Variants in RASGRF2 observed in about 807,000 individuals in gnomAD.
RASGRF2 encodes the protein ras-specific guanine nucleotide-releasing factor 2.
RASGRF2 carries 76 observed loss-of-function variants against 151.0 expected under a neutral mutation model. The ratio of observed to expected loss-of-function variants is 0.50; its 90% confidence interval spans 0.42 to 0.61. The LOEUF is 0.61. Among genes scored for constraint, RASGRF2 ranks in the 20% least tolerant of loss-of-function variants. RASGRF2 has a pLI of 0.00. For synonymous variants in RASGRF2, 504 were observed against 566.5 expected (o/e 0.89, Z 1.57); for missense variants, 1,148 against 1,564.6 (o/e 0.73, Z 4.49).
chr5:81,034,717 C>T (rs1365425964), intron 1 of RASGRF2, among the ~76,000 whole-genome samples: 3 of 148,026 alleles, frequency 2.0e-5, no homozygotes, highest in South Asian at 4.3e-4. Context: ...CCAAACACCG[C>T]ATATTCTCAC....
intron 15 of RASGRF2, among the ~76,000 whole-genome samples, chr5:81,121,476 A>G (rs749449991): frequency 2.6e-5 from 4 of 152,218 alleles, no homozygotes; most frequent in Non-Finnish European, 5.9e-5. Context: ...TGTCATTGCA[A>G]TGATAATGCC....
intron 1 of RASGRF2, among the ~76,000 whole-genome samples, chr5:81,027,054 C>T (rs1229422608): frequency 6.6e-6 from 1 of 152,098 alleles, no homozygotes; most frequent in African/African-American, 2.4e-5. Flanking sequence ...AATCATATCC[C>T]ATAAAATTCA....
At chr5:81,143,935 T>C (rs551338799) in intron 17 of RASGRF2, among the ~76,000 whole-genome samples, 2 of 152,096 alleles carry the variant, frequency 1.3e-5, no homozygotes, top group South Asian at 2.1e-4. Flanking sequence ...CTGGACTTTT[T>C]GGTTATTTGA....
At chr5:81,050,850 C>A (rs933267818) in intron 2 of RASGRF2, among the ~76,000 whole-genome samples, 2 of 152,166 alleles carry the variant, frequency 1.3e-5, no homozygotes, top group East Asian at 1.9e-4. Context: ...AAATTGTGTA[C>A]TACTCATCTT....
At chr5:81,151,872 T>A (rs1203015192) in intron 17 of RASGRF2, among the ~76,000 whole-genome samples, 1 of 152,170 alleles carries the variant, frequency 6.6e-6, no homozygotes, top group Non-Finnish European at 1.5e-5. Context: ...TCAGCTAACT[T>A]TTTTTTAGTC....
chr5:81,187,882 T>C (rs1034225146), intron 18 of RASGRF2, among the ~76,000 whole-genome samples: 1 of 152,224 alleles, frequency 6.6e-6, no homozygotes. Context: ...CATTGCCTAG[T>C]GAAACACAAA....
chr5:80,992,513 C>G (rs1389486249), intron 1 of RASGRF2, among the ~76,000 whole-genome samples: 1 of 152,170 alleles, frequency 6.6e-6, no homozygotes, highest in African/African-American at 2.4e-5. Context: ...GAGATACAAT[C>G]AGGTTCTTAC....
chr5:81,162,136 G>T (rs528201058), intron 17 of RASGRF2, among the ~76,000 whole-genome samples: 1 of 147,160 alleles, frequency 6.8e-6, no homozygotes, highest in Non-Finnish European at 1.5e-5. Context: ...TGAGAAAGAA[G>T]CCTCTGCACA....
chr5:81,139,831 T>C (rs573826602), intron 17 of RASGRF2, among the ~76,000 whole-genome samples: 3 of 152,250 alleles, frequency 2.0e-5, no homozygotes, highest in East Asian at 3.9e-4. Flanking sequence ...AGACTTTTTT[T>C]ATTTTTTGAG....
chr5:80,965,258 T>C (rs113635939), intron 1 of RASGRF2, among the ~76,000 whole-genome samples: 2 of 152,186 alleles, frequency 1.3e-5, no homozygotes, highest in African/African-American at 4.8e-5. Context: ...GTGTGGATGG[T>C]GGATTTTCAT....
intron 17 of RASGRF2, among the ~76,000 whole-genome samples, chr5:81,178,629 G>A (rs1754837112): frequency 6.6e-6 from 1 of 152,198 alleles, no homozygotes; most frequent in South Asian, 2.1e-4. Flanking sequence ...GGACATGAAG[G>A]TTATTGGTAG....
chr5:81,182,919 A>T (rs144029931), intron 18 of RASGRF2, among the ~76,000 whole-genome samples: 1 of 152,326 alleles, frequency 6.6e-6, no homozygotes, highest in African/African-American at 2.4e-5. Flanking sequence ...CGTGTGCTAT[A>T]ATCCAGCTGT....
Position 81,092,842 on chromosome 5 carries a change from A to T in RASGRF2, c.1432A>T (p.Ser478Cys). The change falls in exon 10 of 27, where the codon AGT (serine) becomes TGT (cysteine). Residue 478 changes from serine to cysteine, a missense_variant. Coordinates refer to ENST00000265080, the MANE Select transcript of RASGRF2 (RefSeq NM_006909.3). ...QVPSVERGKL[S>C]KVRLGSLSLK... ...ACCTTCCGTTGAGAGGGGGAAACTT[A>T]GTAAAGTTCGCCTGGGTTCGTTGTC... is the stretch of plus-strand genomic sequence containing the variant. The T allele has an allele frequency of 6.2e-7, 1 of 1,613,678 alleles. No homozygotes were observed. Among genetic ancestry groups the T allele is most frequent in the East Asian group, 2.2e-5 (1 of 44,860 alleles).
intron 12 of RASGRF2, among the ~76,000 whole-genome samples, chr5:81,097,676 T>C (rs1386195782): frequency 2.0e-5 from 3 of 151,976 alleles, no homozygotes; most frequent in East Asian, 1.9e-4. Context: ...TGTGATGCCA[T>C]GTGAGAGGGA....
intron 1 of RASGRF2, among the ~76,000 whole-genome samples, chr5:80,995,105 A>T (rs1748794208): frequency 6.6e-6 from 1 of 151,900 alleles, no homozygotes; most frequent in South Asian, 2.1e-4. Context: ...AAATACAAAA[A>T]ATCACCCAGG....
chr5:81,056,676 A>G (rs967212810), intron 2 of RASGRF2, among the ~76,000 whole-genome samples: 5 of 152,002 alleles, frequency 3.3e-5, no homozygotes, highest in African/African-American at 9.7e-5. Context: ...CAATTCCTGG[A>G]TATCCTTGTT....
At chr5:80,969,517 T>G (rs183225713) in intron 1 of RASGRF2, among the ~76,000 whole-genome samples, 1 of 151,414 alleles carries the variant, frequency 6.6e-6, no homozygotes, top group South Asian at 2.1e-4. Flanking sequence ...GGCGCGATCT[T>G]GGCTCACTGC....
intron 18 of RASGRF2, among the ~76,000 whole-genome samples, chr5:81,200,809 T>C (rs1290467983): frequency 6.6e-6 from 1 of 152,088 alleles, no homozygotes; most frequent in East Asian, 1.9e-4. Context: ...GTGCATATCA[T>C]CTCCTAGGCC....
In RASGRF2 at chr5:81,135,352, A is replaced by G. The variant is rs372873284; in HGVS notation, c.2686+8189A>G. On this transcript the variant is annotated intron_variant, in intron 17 of 26. Transcript: ENST00000265080. ...TCTACAGTTCCATGGATTTTAATAT[A>G]TTCCCAGAGTTGGGCAACAGTCACA... Among the ~76,000 whole-genome samples, 34 of 152,258 alleles carry G rather than the reference A, an allele frequency of 2.2e-4. 1 individual carries two copies. In the East Asian group the frequency reaches 6.6e-3, roughly 29 times the overall value.
Sources: gnomAD v4.1 joint callset for allele counts (sites outside exome capture counted in the v4.1 genomes callset) on GRCh38, gnomAD v4.1.1 for gene constraint, MANE v1.5 for transcripts, NCBI Gene and HGNC (gene_info 2026-07-23, HGNC 2026-07-21) for gene names.